ACLY: variants seen among roughly 807,000 people sequenced by gnomAD.
ACLY encodes the protein ATP citrate lyase.
A neutral mutation model predicts 133.0 loss-of-function variants in ACLY; 41 were observed. That is an observed-to-expected ratio of 0.31 (90% CI 0.24 to 0.40). ACLY has a LOEUF of 0.40. ACLY is among the 10% of genes least tolerant of loss of function. ACLY has a pLI of 1.00. For missense variants in ACLY, 1,046 were observed against 1,453.8 expected (o/e 0.72, Z 4.56); for synonymous variants, 495 against 549.3 (o/e 0.90, Z 1.38).
At chr17:41,872,253 A>G (rs2048617190) in intron 23 of ACLY, 71 bp from the exon 24 acceptor site, 1 of 1,481,322 alleles carries the variant, frequency 6.8e-7, no homozygotes, top group African/African-American at 1.4e-5. Context: ...CATCTCCCTA[A>G]ACAAGTCATT....
chr17:41,881,416 CAAAAAAAAAAAAA>C (rs34173466), intron 20 of ACLY, among the ~76,000 whole-genome samples: 1 of 41,592 alleles, frequency 2.4e-5, no homozygotes, highest in South Asian at 9.2e-4. Flanking sequence ...GACTCCGTCT[CAAAAAAAAAAAAA>C]AAAAAAAAAA....
chr17:41,872,484 C>T (rs1483384042), intron 23 of ACLY, among the ~76,000 whole-genome samples: 2 of 152,166 alleles, frequency 1.3e-5, no homozygotes, highest in Non-Finnish European at 2.9e-5. Context: ...CACCACCACG[C>T]CAGGCTAATT....
At chr17:41,909,139 C>T (rs2049816107) in intron 5 of ACLY, 71 bp from the exon 6 acceptor site, 5 of 1,209,238 alleles carry the variant, frequency 4.1e-6, no homozygotes, top group Non-Finnish European at 6.0e-6. Flanking sequence ...AGGCGCCCCG[C>T]AGCAATCTCT....
chr17:41,872,653 T>C (rs1310904277), intron 23 of ACLY, among the ~76,000 whole-genome samples: 4 of 152,032 alleles, frequency 2.6e-5, no homozygotes, highest in Non-Finnish European at 5.9e-5. Context: ...TAAAACAGAG[T>C]TTGAAACCAG....
Position 41,873,806 on chromosome 17 carries a change from C to A in ACLY, c.2642+5G>T. On this transcript the variant is annotated splice_donor_5th_base_variant and intron_variant, in intron 23 of 28. Transcript: ENST00000352035. ...GCCCTGTAATCTTCTGCCCTCCATGCTCACCTTTTCTGGAACCAGAGGAGG... is the reference window on the plus strand; with the variant it reads ...GCCCTGTAATCTTCTGCCCTCCATGATCACCTTTTCTGGAACCAGAGGAGG... 1 of 1,555,148 alleles carries A rather than the reference C, an allele frequency of 6.4e-7. No homozygotes were observed.
At chr17:41,900,827 T>C (rs2049516738) in intron 11 of ACLY, among the ~76,000 whole-genome samples, 1 of 152,116 alleles carries the variant, frequency 6.6e-6, no homozygotes, top group East Asian at 1.9e-4. Context: ...CTGTAGTGTC[T>C]CGCTGCCACT....
chr17:41,892,793 CA>C (rs1453095882), intron 15 of ACLY, among the ~76,000 whole-genome samples: 1 of 152,064 alleles, frequency 6.6e-6, no homozygotes, highest in Non-Finnish European at 1.5e-5. Context: ...CCTCCTGCCT[CA>C]CCCTCCCAAG....
At position 41,906,393 on chromosome 17, in the gene ACLY, C is replaced by G. The variant is rs2049719242; in HGVS notation, c.866+135G>C. The G allele has an allele frequency of 1.4e-5, 10 of 720,540 alleles. No individual in the cohort carries two copies. In the South Asian group the frequency reaches 1.5e-4, roughly 11 times the overall value. 44.6% of individuals were successfully genotyped at this position (720,540 alleles called of 1,614,324 possible). ...AGGCCCTCACCAACATCCCTCGAAGCCCTCTGGGATGCCACTGCTTTCCTC... is the reference window on the plus strand; with the variant it reads ...AGGCCCTCACCAACATCCCTCGAAGGCCTCTGGGATGCCACTGCTTTCCTC... On this transcript the variant is annotated intron_variant, in intron 8 of 28. Coordinates refer to ENST00000352035, the MANE Select transcript of ACLY (RefSeq NM_001096.3).
At chr17:41,902,618 C>T (rs1032381828) in intron 10 of ACLY, among the ~76,000 whole-genome samples, 6 of 152,180 alleles carry the variant, frequency 3.9e-5, no homozygotes, top group African/African-American at 1.4e-4. Context: ...GATTTTTGAG[C>T]CTAGAGTCTG....
At chr17:41,892,020 A>T (rs782179899) in intron 16 of ACLY, among the ~76,000 whole-genome samples, 7 of 152,120 alleles carry the variant, frequency 4.6e-5, no homozygotes, top group Non-Finnish European at 8.8e-5. Context: ...CCTCTTTGTA[A>T]GCCCAGATAA....
intron 9 of ACLY, among the ~76,000 whole-genome samples, chr17:41,905,002 A>G (rs1157273416): frequency 6.6e-6 from 1 of 152,148 alleles, no homozygotes; most frequent in Non-Finnish European, 1.5e-5. Flanking sequence ...GGTCAGAACA[A>G]ACCCACAGGA....
intron 23 of ACLY, among the ~76,000 whole-genome samples, chr17:41,873,016 C>G (rs902034977): frequency 6.6e-6 from 1 of 152,192 alleles, no homozygotes; most frequent in South Asian, 2.1e-4. Flanking sequence ...TGCCCAGCAT[C>G]ACATTAAGCC....
At chr17:41,910,643 T>G (rs1239406471) in intron 3 of ACLY, among the ~76,000 whole-genome samples, 1 of 152,162 alleles carries the variant, frequency 6.6e-6, no homozygotes, top group African/African-American at 2.4e-5. Context: ...ACCATTCTGC[T>G]TCATGAGCCT....
At chr17:41,872,219 C>A in intron 23 of ACLY, 37 bp from the exon 24 acceptor site, 1 of 1,594,460 alleles carries the variant, frequency 6.3e-7, no homozygotes, top group South Asian at 1.1e-5. Flanking sequence ...AGATGGTCGA[C>A]AAGGCCATGC....
intron 22 of ACLY, among the ~76,000 whole-genome samples, chr17:41,875,633 G>A (rs570525694): frequency 0.017 from 2,601 of 151,368 alleles, 90 homozygotes; most frequent in African/African-American, 0.06. Flanking sequence ...TGGTGGAGAC[G>A]GGGTTTCGCT....
intron 3 of ACLY, among the ~76,000 whole-genome samples, chr17:41,910,918 T>C (rs1207437146): frequency 3.3e-5 from 5 of 151,908 alleles, no homozygotes; most frequent in African/African-American, 1.2e-4. Flanking sequence ...CCATAAGAGG[T>C]AATGAGCCAC....
At chr17:41,892,565 G>T (rs2049244139) in intron 15 of ACLY, 118 bp from the exon 16 acceptor site, 4 of 900,172 alleles carry the variant, frequency 4.4e-6, no homozygotes, top group Non-Finnish European at 6.8e-6. Flanking sequence ...TGCCCTCAAA[G>T]AATTTTCATC....
At position 41,867,896 on chromosome 17, in the gene ACLY, G is replaced by C. The variant is rs2048503717; in HGVS notation, c.3220C>G (p.Leu1074Val). The C allele has an allele frequency of 6.2e-6, 10 of 1,608,328 alleles. No homozygotes were observed. Among genetic ancestry groups the C allele is most frequent in the African/African-American group, 1.3e-5 (1 of 74,502 alleles). Residue 1074 changes from leucine to valine, a missense_variant, in exon 29 of 29, where the codon CTT becomes GTT. Leu to Val is a conservative substitution (Grantham distance 32, BLOSUM62 1). Around this residue, in one of 4 missense-constraint regions of ACLY, gnomAD observed 205 missense variants for 373.3 expected, o/e 0.55. Coordinates refer to ENST00000352035, the MANE Select transcript of ACLY (RefSeq NM_001096.3). ...GRSMGFIGHY[L>V]DQKRLKQGLY... is the part of the protein sequence containing the mutation. Reference sequence around the variant, plus strand: ...CCCTGCTTCAGCCTCTTCTGATCAAGATAGTGTCCTAAAATGAAGCAAACA... The same window carrying C: ...CCCTGCTTCAGCCTCTTCTGATCAACATAGTGTCCTAAAATGAAGCAAACA...
chr17:41,922,509 G>A (rs1270647514), upstream of ACLY, among the ~76,000 whole-genome samples: 2 of 151,106 alleles, frequency 1.3e-5, no homozygotes, highest in South Asian at 2.1e-4. Flanking sequence ...TCATCCAGGC[G>A]GGACATAAAA....
Sources: allele counts gnomAD v4.1 joint callset (sites outside exome capture counted in the v4.1 genomes callset), GRCh38; gene constraint gnomAD v4.1.1; regional missense constraint gnomAD v4.1.1; transcripts MANE v1.5; gene names NCBI Gene and HGNC (gene_info 2026-07-23, HGNC 2026-07-21).